The following TMEM154 variants were observed in gnomAD, a reference collection of about 807,000 sequenced individuals.
TMEM154 encodes transmembrane protein 154.
TMEM154 carries 27 observed loss-of-function variants against 24.5 expected under a neutral mutation model. The ratio of observed to expected loss-of-function variants is 1.10; its 90% CI spans 0.81 to 1.52. TMEM154 has a LOEUF of 1.52. Among genes scored for constraint, TMEM154 ranks in the 40% most tolerant of loss-of-function variants. The pLI is 0.00. For synonymous variants in TMEM154, 67 were observed against 76.8 expected, an observed-to-expected ratio of 0.87 and a Z score of 0.67; for missense variants, 228 against 213.4, an observed-to-expected ratio of 1.07 and a Z score of -0.43.
rs1271019408 is a variant in TMEM154, at chr4:152,627,144, C to T, written c.*1402G>A. The T allele has an allele frequency of 1.3e-5, 2 of 152,170 alleles. No homozygotes were observed. The highest frequency in any genetic ancestry group is 1.9e-4 in the East Asian group (1 of 5,186). 9.4% of individuals were successfully genotyped at this position (152,170 alleles called of 1,614,324 possible). On this transcript the variant is annotated 3_prime_UTR_variant, in exon 7 of 7. Coordinates refer to ENST00000304385, the MANE Select transcript of TMEM154 (RefSeq NM_152680.3). ...GGAACTCTGCCTTTGAAATTATCCA[C>T]GTAGTTCAGAAGGCAAATACTTGTT...
chr4:152,645,179 G>A (rs773124885), intron 3 of TMEM154, among the ~76,000 whole-genome samples: 25 of 151,930 alleles, frequency 1.6e-4, no homozygotes, highest in East Asian at 5.8e-4. Flanking sequence ...GGCAGGGATC[G>A]TGTCTGTCTT....
chr4:152,673,222 A>G (rs1378144604), intron 1 of TMEM154, among the ~76,000 whole-genome samples: 4 of 152,146 alleles, frequency 2.6e-5, no homozygotes, highest in Non-Finnish European at 5.9e-5. Flanking sequence ...ACATGTTTAA[A>G]TAAGTATAAT....
Position 152,619,562 on chromosome 4 carries a change from A to G in TMEM154, c.*8984T>C, listed in dbSNP as rs1319703127. The G allele has an allele frequency of 6.6e-6, 1 of 152,162 alleles. No individual in the cohort carries two copies. The highest frequency in any genetic ancestry group is 6.6e-5 in the Admixed American group (1 of 15,264). 9.4% of individuals were successfully genotyped at this position (152,162 alleles called of 1,614,324 possible). Reference sequence around the variant, plus strand: ...AATAAAGTATGGCAGAAGTGATGTGATGTGATTTCTGAGTCTAAATTATAA... The same window carrying G: ...AATAAAGTATGGCAGAAGTGATGTGGTGTGATTTCTGAGTCTAAATTATAA... On this transcript the variant is annotated 3_prime_UTR_variant, in exon 7 of 7. Transcript: ENST00000304385.
chr4:152,665,839 G>A (rs938321163), intron 1 of TMEM154, among the ~76,000 whole-genome samples: 17 of 148,116 alleles, frequency 1.1e-4, no homozygotes, highest in Non-Finnish European at 2.5e-4. Context: ...CCAGCCTGGA[G>A]TGCAGTGGTA....
At chr4:152,674,676 T>C (rs948815738) in intron 1 of TMEM154, among the ~76,000 whole-genome samples, 12 of 152,178 alleles carry the variant, frequency 7.9e-5, no homozygotes, top group Non-Finnish European at 1.8e-4. Context: ...CACACCCCTG[T>C]CTCAGTTTCT....
chr4:152,633,644 A>T (rs1752092372), intron 6 of TMEM154, among the ~76,000 whole-genome samples: 2 of 151,998 alleles, frequency 1.3e-5, no homozygotes, highest in Non-Finnish European at 2.9e-5. Flanking sequence ...TTAGCAAGCA[A>T]TTTTTCTAGG....
At position 152,623,782 on chromosome 4, in the gene TMEM154, T is replaced by TG. The variant is rs2149775372; in HGVS notation, c.*4763dup. 6.6e-6 allele frequency: 1 copy of TG among 151,634 alleles called. No individual in the cohort carries two copies. Among genetic ancestry groups the TG allele is most frequent in the South Asian group, 2.1e-4 (1 of 4,796 alleles). The allele number at this position is 151,634 out of a possible 1,614,324, so 9.4% of individuals were successfully genotyped here. A position where few individuals can be genotyped will look rare whatever the true frequency, so the allele number is the denominator to read the frequency against. On this transcript the variant is annotated 3_prime_UTR_variant, in exon 7 of 7. Transcript: ENST00000304385. ...CTGTAATCCCAGCTACTTGGGAGGCTGGGGCAGGAGGATCGCCTGAGCCTG... is the reference window on the plus strand; with the variant it reads ...CTGTAATCCCAGCTACTTGGGAGGCTGGGGGCAGGAGGATCGCCTGAGCCTG...
At chr4:152,647,062 A>G in intron 3 of TMEM154, 1 of 874,116 alleles carries the variant, frequency 1.1e-6, no homozygotes, top group Non-Finnish European at 1.8e-6. Context: ...TGAAATGGAC[A>G]AGCCCAAAGG....
chr4:152,675,600 C>T (rs981385705), intron 1 of TMEM154, among the ~76,000 whole-genome samples: 3 of 151,916 alleles, frequency 2.0e-5, no homozygotes, highest in Non-Finnish European at 4.4e-5. Context: ...GCACTCCAGC[C>T]TGGGCAACGA....
In TMEM154 at chr4:152,638,385, A is replaced by G. The variant is rs184468873; in HGVS notation, c.536+2543T>C. On this transcript the variant is annotated intron_variant, in intron 6 of 6. Coordinates refer to ENST00000304385, the MANE Select transcript of TMEM154 (RefSeq NM_152680.3). ...GAACTGAAAGTCTCATAGTAGATCAAACAAATTCCTGATTTCCCAGGATTG... is the reference window on the plus strand; with the variant it reads ...GAACTGAAAGTCTCATAGTAGATCAGACAAATTCCTGATTTCCCAGGATTG... 4.6e-5 allele frequency among the ~76,000 whole-genome samples: 7 copies of G among 152,380 alleles called. No individual in the cohort carries two copies. The East Asian group carries it at 1.3e-3, about 29-fold the overall frequency.
rs1751940462 is a variant in TMEM154, at chr4:152,627,496, G to T, written c.*1050C>A. On this transcript the variant is annotated 3_prime_UTR_variant, in exon 7 of 7. Coordinates refer to ENST00000304385, the MANE Select transcript of TMEM154 (RefSeq NM_152680.3). Reference sequence around the variant, plus strand: ...TTTCCATTTTGTGCCATTGCTTTTAGCACAAGGATGTCAAAAATATCACAT... The same window carrying T: ...TTTCCATTTTGTGCCATTGCTTTTATCACAAGGATGTCAAAAATATCACAT... 1.3e-5 allele frequency: 2 copies of T among 152,292 alleles called. No individual in the cohort carries two copies. The highest frequency in any genetic ancestry group is 6.8e-3 in the Middle Eastern group (2 of 294). The allele number at this position is 152,292 out of a possible 1,614,324, so 9.4% of individuals were successfully genotyped here.
intron 6 of TMEM154, among the ~76,000 whole-genome samples, chr4:152,638,059 T>C (rs2149779497): frequency 6.6e-6 from 1 of 152,156 alleles, no homozygotes; most frequent in African/African-American, 2.4e-5. Flanking sequence ...AGCCCAAAAG[T>C]TTGAAAGCAG....
rs1223382277 is a variant in TMEM154 at position 152,627,505 on chromosome 4, T to C, written c.*1041A>G. ...TGTGCCATTGCTTTTAGCACAAGGA[T>C]GTCAAAAATATCACATAGAATGTCA... On this transcript the variant is annotated 3_prime_UTR_variant, in exon 7 of 7. Coordinates refer to ENST00000304385, the MANE Select transcript of TMEM154 (RefSeq NM_152680.3). 1 of 152,196 alleles carries C rather than the reference T, an allele frequency of 6.6e-6. No homozygotes were observed. Among genetic ancestry groups the C allele is most frequent in the African/African-American group, 2.4e-5 (1 of 41,454 alleles). 9.4% of individuals were successfully genotyped at this position (152,196 alleles called of 1,614,324 possible). A position where few individuals can be genotyped will look rare whatever the true frequency, so the allele number is the denominator to read the frequency against.
intron 6 of TMEM154, among the ~76,000 whole-genome samples, chr4:152,635,327 A>G (rs921102099): frequency 6.6e-5 from 10 of 152,362 alleles, no homozygotes; most frequent in African/African-American, 2.4e-4. Context: ...TTATTTTAAC[A>G]AAATAATAAA....
At position 152,673,203 on chromosome 4, in the gene TMEM154, G is replaced by A. The variant is rs188452523; in HGVS notation, c.64+6667C>T. On this transcript the variant is annotated intron_variant, in intron 1 of 6. Transcript: ENST00000304385. ...CTAAGCAATATATAGCGTAATTTTG[G>A]TTGTTTAAACATGTTTAAATAAGTA... Among the ~76,000 whole-genome samples, 15 of 151,084 alleles carry A rather than the reference G, an allele frequency of 9.9e-5. No individual in the cohort carries two copies. The East Asian group carries it at 2.3e-3, about 23-fold the overall frequency.
At chr4:152,647,909 A>T (rs1025144232) in intron 3 of TMEM154, among the ~76,000 whole-genome samples, 1 of 152,216 alleles carries the variant, frequency 6.6e-6, no homozygotes, top group Non-Finnish European at 1.5e-5. Flanking sequence ...GTGCAAGCCA[A>T]CCAAGCAGTG....
rs1039465053 is a variant in TMEM154, at chr4:152,646,911, A to G, written c.365-2469T>C. On this transcript the variant is annotated intron_variant, in intron 3 of 6. Transcript: ENST00000304385. ...GTAGCCACAGCCTGTTTAAAGGGGT[A>G]GTTTATCGCCCGCTGTTTTCCCTGC... 12 of 701,966 alleles carry G rather than the reference A, an allele frequency of 1.7e-5. No individual in the cohort carries two copies. The African/African-American group carries it at 2.1e-4, about 12-fold the overall frequency. 43.5% of individuals were successfully genotyped at this position (701,966 alleles called of 1,614,324 possible). A position where few individuals can be genotyped will look rare whatever the true frequency, so the allele number is the denominator to read the frequency against.
In TMEM154 at chr4:152,679,870, C is replaced by A; in HGVS notation, c.64G>T (p.Gly22Cys). The A allele has an allele frequency of 6.2e-7, 1 of 1,607,788 alleles. No homozygotes were observed. Among genetic ancestry groups the A allele is most frequent in the Non-Finnish European group, 8.5e-7 (1 of 1,177,808 alleles). Residue 22 changes from glycine (G) to cysteine (C), a missense_variant and splice_region_variant, in exon 1 of 7, where the codon GGT becomes TGT. Gly to Cys is a radical substitution (Grantham distance 159). Transcript: ENST00000304385. ...LVIALVPVGR[G>C]NYEELENSGD... ...GGAGTAGGAAGTGGAGGCGGCTTAC[C>A]CCGGCCGACGGGAACGAGCGCGATC... is the stretch of plus-strand genomic sequence containing the variant.
rs747613909 is a variant in TMEM154, at chr4:152,628,565, T to TAA, written c.537-6_537-5dup. On this transcript the variant is annotated splice_region_variant and splice_polypyrimidine_tract_variant and intron_variant, in intron 6 of 6. Transcript: ENST00000304385. Reference sequence around the variant, plus strand: ...TCAGGTTTAGGATTCACTGTCACTGTAAAAAAAAAAAAAAAAAAAAAAAAA... The same window carrying TAA: ...TCAGGTTTAGGATTCACTGTCACTGTAAAAAAAAAAAAAAAAAAAAAAAAAAA... The TAA allele has an allele frequency of 1.9e-3, 960 of 518,350 alleles. 140 individuals carry two copies. The African/African-American group carries it at 0.024, about 13-fold the overall frequency. 32.1% of individuals were successfully genotyped at this position (518,350 alleles called of 1,614,324 possible). A position where few individuals can be genotyped will look rare whatever the true frequency, so the allele number is the denominator to read the frequency against.
Sources: gnomAD v4.1 joint callset for allele counts (sites outside exome capture counted in the v4.1 genomes callset) on GRCh38, gnomAD v4.1.1 for gene constraint, MANE v1.5 for transcripts, NCBI Gene and HGNC (gene_info 2026-07-23, HGNC 2026-07-21) for gene names.